PLEKHG1: variants seen among roughly 807,000 people sequenced by gnomAD.
PLEKHG1 encodes pleckstrin homology domain-containing family G member 1.
In PLEKHG1, 44 loss-of-function variants were observed where a neutral mutation model predicts 100.8. That is an observed-to-expected ratio of 0.44 (90% CI 0.34 to 0.56). The LOEUF (loss-of-function observed/expected upper bound fraction) is 0.56. Among genes scored for constraint, PLEKHG1 ranks in the 20% least tolerant of loss-of-function variants. PLEKHG1 has a pLI of 0.01. For synonymous variants in PLEKHG1, 640 were observed against 662.5 expected (o/e 0.97, Z 0.52); for missense variants, 1,545 against 1,720.9 (o/e 0.90, Z 1.81).
chr6:150,818,133 T>C (rs772259445), intron 10 of PLEKHG1, 50 bp from the exon 12 acceptor site: 9 of 1,466,656 alleles, frequency 6.1e-6, no homozygotes, highest in East Asian at 2.3e-5. Context: ...ATTTGGAGTT[T>C]AAAGAAAAAA....
chr6:150,735,610 T>C (rs1782523484), intron 2 of PLEKHG1, among the ~76,000 whole-genome samples: 1 of 152,198 alleles, frequency 6.6e-6, no homozygotes. Flanking sequence ...GTACCAAATG[T>C]AGAATAAAGT....
intron 3 of PLEKHG1, among the ~76,000 whole-genome samples, chr6:150,781,649 C>T (rs951426039): frequency 2.0e-5 from 3 of 151,696 alleles, no homozygotes; most frequent in Admixed American, 1.3e-4. Context: ...TCCCATCTTT[C>T]TATAAAAGAA....
At chr6:150,733,839 A>T (rs747919717) in exon 2 of PLEKHG1, 2 of 1,614,174 alleles carry the variant, frequency 1.2e-6, no homozygotes, top group Non-Finnish European at 1.7e-6. Flanking sequence ...GGGGCCATAA[A>T]ACTGGAGCTG....
intron 1 of PLEKHG1, chr6:150,625,051 C>T (rs915870252): frequency 1.3e-5 from 2 of 151,882 alleles, no homozygotes; most frequent in Non-Finnish European, 2.9e-5. Context: ...ATTAGCCAGA[C>T]TAAAATTGCC....
At chr6:150,625,792 T>G (rs1777484125) in intron 1 of PLEKHG1, 1 of 152,148 alleles carries the variant, frequency 6.6e-6, no homozygotes, top group Non-Finnish European at 1.5e-5. Flanking sequence ...TCATGCCCAG[T>G]CTTCAATCAT....
chr6:150,655,752 C>T (rs370123103), intron 3 of PLEKHG1, among the ~76,000 whole-genome samples: 103 of 149,890 alleles, frequency 6.9e-4, no homozygotes, highest in African/African-American at 2.4e-3. Context: ...AAATATACAC[C>T]ATGGAATACT....
intron 1 of PLEKHG1, among the ~76,000 whole-genome samples, chr6:150,607,004 C>A (rs1776629316): frequency 6.6e-6 from 1 of 152,090 alleles, no homozygotes; most frequent in African/African-American, 2.4e-5. Context: ...AAAGCATGGA[C>A]CCGTTTTCCT....
At chr6:150,669,619 G>C (rs1219429644) in intron 3 of PLEKHG1, among the ~76,000 whole-genome samples, 7 of 146,098 alleles carry the variant, frequency 4.8e-5, no homozygotes, top group African/African-American at 1.8e-4. Context: ...TTTTGAGATG[G>C]GAGTTTTGCT....
At chr6:150,835,190 A>C (rs1361132645) in intron 15 of PLEKHG1, among the ~76,000 whole-genome samples, 1 of 152,078 alleles carries the variant, frequency 6.6e-6, no homozygotes, top group Non-Finnish European at 1.5e-5. Flanking sequence ...AGTTGCTCCC[A>C]TATCTTAGAG....
At chr6:150,622,124 A>G (rs892044716) in intron 1 of PLEKHG1, among the ~76,000 whole-genome samples, 2 of 152,074 alleles carry the variant, frequency 1.3e-5, no homozygotes, top group African/African-American at 4.8e-5. Flanking sequence ...TATCAGACGG[A>G]AGGGAGCAGA....
intron 3 of PLEKHG1, among the ~76,000 whole-genome samples, chr6:150,696,458 T>C (rs9285528): frequency 0.54 from 82,125 of 152,058 alleles, 22,352 homozygotes; most frequent in African/African-American, 0.62. Context: ...CATTAAACAC[T>C]GTGAATATCT....
At chr6:150,733,462 C>A (rs1782382481) in intron 1 of PLEKHG1, 122 bp from the exon 3 acceptor site, 2 of 792,976 alleles carry the variant, frequency 2.5e-6, no homozygotes, top group Admixed American at 6.0e-5. Flanking sequence ...CTTTGCATCC[C>A]TTCTGTAATT....
intron 3 of PLEKHG1, among the ~76,000 whole-genome samples, chr6:150,777,777 C>G (rs1785073441): frequency 6.6e-6 from 1 of 151,870 alleles, no homozygotes; most frequent in Non-Finnish European, 1.5e-5. Context: ...TGATGCAATC[C>G]TGGTGCACAT....
At chr6:150,608,077 A>G (rs956430139) in intron 1 of PLEKHG1, among the ~76,000 whole-genome samples, 1 of 152,244 alleles carries the variant, frequency 6.6e-6, no homozygotes, top group Non-Finnish European at 1.5e-5. Flanking sequence ...CAGCAAGGAA[A>G]GAAATGTGAA....
chr6:150,637,425 TCTTC>T (rs1429949175), intron 1 of PLEKHG1, among the ~76,000 whole-genome samples: 7 of 151,986 alleles, frequency 4.6e-5, no homozygotes, highest in African/African-American at 1.7e-4. Context: ...CATGTCATCC[TCTTC>T]CTTAGATTCC....
intron 6 of PLEKHG1, 140 bp from the exon 8 acceptor site, chr6:150,804,470 C>A: frequency 1.6e-6 from 1 of 631,552 alleles, no homozygotes; most frequent in Non-Finnish European, 2.5e-6. Flanking sequence ...CAGGCATGAG[C>A]CACCGCACCC....
At chr6:150,796,327 A>G (rs1786330133) in intron 5 of PLEKHG1, among the ~76,000 whole-genome samples, 1 of 152,178 alleles carries the variant, frequency 6.6e-6, no homozygotes, top group South Asian at 2.1e-4. Flanking sequence ...AGTTTTATGA[A>G]CTATATAAGT....
chr6:150,617,964 G>A (rs909930133), intron 1 of PLEKHG1, among the ~76,000 whole-genome samples: 1 of 152,276 alleles, frequency 6.6e-6, no homozygotes, highest in Admixed American at 6.5e-5. Context: ...GAATGGAGGT[G>A]GGAGACTCAG....
At chr6:150,783,169 TAAA>T (rs71014520) in intron 3 of PLEKHG1, among the ~76,000 whole-genome samples, 1 of 79,454 alleles carries the variant, frequency 1.3e-5, no homozygotes, top group Non-Finnish European at 2.8e-5. Flanking sequence ...GAAAAAAAAC[TAAA>T]AAAAAAAAAA....
Sources: allele counts gnomAD v4.1 joint callset (sites outside exome capture counted in the v4.1 genomes callset), GRCh38; gene constraint gnomAD v4.1.1; transcripts MANE v1.5; gene names NCBI Gene and HGNC (gene_info 2026-07-23, HGNC 2026-07-21).